The following CUEDC1 variants were observed in gnomAD, a reference collection of about 807,000 sequenced individuals.
The protein encoded by CUEDC1 is CUE domain-containing protein 1.
CUEDC1 carries 30 observed loss-of-function variants against 43.7 expected under a neutral mutation model. The observed-to-expected ratio is 0.69, with a 90% CI of 0.51 to 0.93. CUEDC1 has a LOEUF of 0.93. CUEDC1 is among the 40% of genes least tolerant of loss of function. The pLI is 0.00. For missense variants in CUEDC1, 486 were observed against 549.0 expected, an observed-to-expected ratio of 0.89 and a Z score of 1.15; for synonymous variants, 223 against 223.6, an observed-to-expected ratio of 1.00 and a Z score of 0.02.
intron 1 of CUEDC1, among the ~76,000 whole-genome samples, chr17:57,891,097 CA>C (rs1345264430): frequency 6.6e-6 from 1 of 152,208 alleles, no homozygotes; most frequent in Non-Finnish European, 1.5e-5. Flanking sequence ...CTTGGAATAC[CA>C]TCTGCATACT....
chr17:57,923,280 A>ACTGT (rs2074715027), intron 1 of CUEDC1, among the ~76,000 whole-genome samples: 1 of 152,198 alleles, frequency 6.6e-6, no homozygotes, highest in Non-Finnish European at 1.5e-5. Flanking sequence ...GCCTCCTGGA[A>ACTGT]GCAGACAGTC....
In CUEDC1 at chr17:57,924,132, C is replaced by T. The variant is rs539162544; in HGVS notation, c.-316+31093G>A. ...CCTGCATTTTTTTTTTTTGAGACAG[C>T]GTCTCACTCTGTTGCCAGGCTGGAG... On this transcript the variant is annotated intron_variant, in intron 1 of 10. Coordinates refer to ENST00000577830, the MANE Select transcript of CUEDC1 (RefSeq NM_001271875.2). 1.4e-4 allele frequency among the ~76,000 whole-genome samples: 21 copies of T among 151,500 alleles called. 1 individual carries two copies. In the South Asian group the frequency reaches 3.8e-3, roughly 27 times the overall value.
At chr17:57,916,566 C>T (rs1002936616) in intron 1 of CUEDC1, among the ~76,000 whole-genome samples, 3 of 152,200 alleles carry the variant, frequency 2.0e-5, no homozygotes, top group African/African-American at 7.2e-5. Flanking sequence ...CCTCCCAGGC[C>T]AGTGTGATCG....
chr17:57,901,253 C>T (rs973741497), intron 1 of CUEDC1, among the ~76,000 whole-genome samples: 3 of 152,228 alleles, frequency 2.0e-5, no homozygotes, highest in Admixed American at 6.5e-5. Flanking sequence ...ACTCTTTTCA[C>T]CTCCAACATT....
intron 1 of CUEDC1, among the ~76,000 whole-genome samples, chr17:57,921,283 C>T: frequency 6.6e-6 from 1 of 152,082 alleles, no homozygotes; most frequent in East Asian, 1.9e-4. Context: ...ACCAACAATG[C>T]AGTGAAAGGC....
chr17:57,896,490 GTGTGTGT>G (rs1568041584), intron 1 of CUEDC1, among the ~76,000 whole-genome samples: 2,059 of 88,366 alleles, frequency 0.023, 130 homozygotes, highest in African/African-American at 0.074. Flanking sequence ...ATTATGGGGT[GTGTGTGT>G]GTGTGTGTGT....
At chr17:57,887,193 G>T (rs115413479) in intron 1 of CUEDC1, among the ~76,000 whole-genome samples, 2,208 of 152,030 alleles carry the variant, frequency 0.015, 66 homozygotes, top group African/African-American at 0.051. Flanking sequence ...AGCCCCCAGG[G>T]TCAGCACAGT....
intron 6 of CUEDC1, chr17:57,870,084 C>T (rs1196326249): frequency 1.3e-5 from 2 of 152,784 alleles, no homozygotes; most frequent in African/African-American, 4.8e-5. Flanking sequence ...GGGATCAGCT[C>T]AGCTCCCCAT....
intron 1 of CUEDC1, among the ~76,000 whole-genome samples, chr17:57,935,620 C>T (rs896007021): frequency 1.3e-5 from 2 of 152,090 alleles, no homozygotes; most frequent in Non-Finnish European, 2.9e-5. Flanking sequence ...TGAAAAGCCC[C>T]AGCAGGCTGG....
chr17:57,927,838 C>A (rs1202111615), intron 1 of CUEDC1, among the ~76,000 whole-genome samples: 1 of 152,256 alleles, frequency 6.6e-6, no homozygotes, highest in Non-Finnish European at 1.5e-5. Context: ...AAAATATTAT[C>A]CCATCTAACT....
At chr17:57,931,134 C>T (rs1163550769) in intron 1 of CUEDC1, among the ~76,000 whole-genome samples, 1 of 151,976 alleles carries the variant, frequency 6.6e-6, no homozygotes, top group African/African-American at 2.4e-5. Context: ...ACAAAAAATA[C>T]AAAAATTAGC....
chr17:57,879,056 T>C (rs570906439), intron 3 of CUEDC1, among the ~76,000 whole-genome samples: 2 of 152,220 alleles, frequency 1.3e-5, no homozygotes, highest in African/African-American at 4.8e-5. Context: ...CCTCCAGTTA[T>C]CAAACTACCT....
chr17:57,915,301 G>A (rs1008817791), intron 1 of CUEDC1, among the ~76,000 whole-genome samples: 2 of 151,796 alleles, frequency 1.3e-5, no homozygotes, highest in African/African-American at 4.9e-5. Flanking sequence ...CTGCAGGCAG[G>A]AGACTGGACA....
At chr17:57,885,169 T>C (rs1353345171) in intron 2 of CUEDC1, 60 bp downstream of exon 2, 1 of 1,486,402 alleles carries the variant, frequency 6.7e-7, no homozygotes, top group Admixed American at 2.3e-5. Context: ...GCCGTGCCCC[T>C]ACCTCCGGGG....
chr17:57,911,165 C>T (rs2143057081), intron 1 of CUEDC1, among the ~76,000 whole-genome samples: 1 of 152,326 alleles, frequency 6.6e-6, no homozygotes, highest in East Asian at 1.9e-4. Context: ...CCCAGAGTTC[C>T]TGATTCCCTG....
At chr17:57,884,337 A>T (rs571178123) in intron 2 of CUEDC1, among the ~76,000 whole-genome samples, 69 of 151,390 alleles carry the variant, frequency 4.6e-4, no homozygotes, top group African/African-American at 1.6e-3. Context: ...AGCTGGGACT[A>T]CAGGTGCGCA....
At chr17:57,893,046 G>C (rs778013209) in intron 1 of CUEDC1, among the ~76,000 whole-genome samples, 6 of 152,234 alleles carry the variant, frequency 3.9e-5, no homozygotes, top group Non-Finnish European at 8.8e-5. Flanking sequence ...TCCCGTATGA[G>C]GACACGCAGG....
chr17:57,937,823 C>T (rs1290784991), intron 1 of CUEDC1, among the ~76,000 whole-genome samples: 4 of 152,044 alleles, frequency 2.6e-5, no homozygotes, highest in African/African-American at 9.7e-5. Flanking sequence ...GGGAAAACCC[C>T]TTGAGCCCAG....
chr17:57,920,162 A>G (rs1162362095), intron 1 of CUEDC1, among the ~76,000 whole-genome samples: 1 of 152,168 alleles, frequency 6.6e-6, no homozygotes, highest in African/African-American at 2.4e-5. Context: ...ACTGTGCTCT[A>G]AAAACCCTCC....
Sources: allele counts gnomAD v4.1 joint callset (sites outside exome capture counted in the v4.1 genomes callset), GRCh38; gene constraint gnomAD v4.1.1; transcripts MANE v1.5; gene names NCBI Gene and HGNC (gene_info 2026-07-23, HGNC 2026-07-21).